Variants in KHDC4 observed in about 807,000 individuals in gnomAD.
KHDC4 encodes the protein KH domain containing 4, pre-mRNA splicing factor.
A neutral mutation model predicts 74.5 loss-of-function variants in KHDC4; 19 were observed. That is an observed-to-expected ratio of 0.26 (90% confidence interval 0.18 to 0.37). The LOEUF (loss-of-function observed/expected upper bound fraction) is 0.37. KHDC4 is among the 10% of genes least tolerant of loss of function. The pLI is 1.00. For missense variants in KHDC4, 632 were observed against 754.1 expected, an observed-to-expected ratio of 0.84 and a Z score of 1.90; for synonymous variants, 253 against 266.1, an observed-to-expected ratio of 0.95 and a Z score of 0.48.
intron 6 of KHDC4, chr1:155,926,122 A>G: frequency 1.6e-6 from 1 of 617,426 alleles, no homozygotes; most frequent in Admixed American, 1.8e-5. Flanking sequence ...TAAAACCACT[A>G]ACTTCAAAAT....
rs1674097105 is a variant in KHDC4 at position 155,929,462 on chromosome 1, CCAAGTAA to C, written c.385-94_385-88del. 3.3e-6 allele frequency: 4 copies of C among 1,203,784 alleles called. No homozygotes were observed. In the South Asian group the frequency reaches 5.1e-5, roughly 15 times the overall value. The allele number at this position is 1,203,784 out of a possible 1,614,324, so 74.6% of individuals were successfully genotyped here. On this transcript the variant is annotated intron_variant, in intron 3 of 13. Transcript: ENST00000368321. The stretch of plus-strand genomic sequence containing the variant: ...ATTTTCTTCCCATTCATTCATTCAA[CCAAGTAA>C]AGAAGGAAAGAATTCTCTCCTGTAT...
At chr1:155,914,386 T>A in intron 13 of KHDC4, 66 bp from the exon 14 acceptor site, 2 of 1,271,580 alleles carry the variant, frequency 1.6e-6, no homozygotes, top group Admixed American at 2.2e-5. Context: ...TACCATAAAT[T>A]CGTTAATTAA....
At chr1:155,926,615 C>A (rs1035118234) in intron 6 of KHDC4, 61 bp downstream of exon 6, 1 of 1,565,158 alleles carries the variant, frequency 6.4e-7, no homozygotes, top group African/African-American at 1.4e-5. Flanking sequence ...CTGTGCCTGG[C>A]CAGCACATAT....
chr1:155,927,012 C>T, intron 5 of KHDC4, 92 bp downstream of exon 5: 3 of 1,364,482 alleles, frequency 2.2e-6, no homozygotes, highest in South Asian at 1.2e-5. Flanking sequence ...AGGGTTAGAA[C>T]AGCCATCAGG....
intron 7 of KHDC4, among the ~76,000 whole-genome samples, chr1:155,924,529 T>C (rs1415358907): frequency 6.6e-6 from 1 of 151,188 alleles, no homozygotes; most frequent in Non-Finnish European, 1.5e-5. Context: ...ACCAAAGGAC[T>C]TGAATACTAA....
rs1002810304 is a variant in KHDC4, at chr1:155,934,362, C to A, written c.12G>T (p.Gly4=). 40 of 1,611,412 alleles carry A rather than the reference C, an allele frequency of 2.5e-5. No individual in the cohort carries two copies. The highest frequency in any genetic ancestry group is 3.3e-5 in the Non-Finnish European group (39 of 1,179,934). The change falls in exon 1 of 14, where the codon GGG becomes GGT. Residue 4 remains glycine, a synonymous_variant. Coordinates refer to ENST00000368321, the MANE Select transcript of KHDC4 (RefSeq NM_014949.4). MSA[G]SATHPGAGGR... ...CGCCAGCTCCAGGATGTGTCGCGCT[C>A]CCCGCGGACATGGCGACCGCTTCTA...
chr1:155,915,893 C>T lies in KHDC4; in HGVS notation c.1625G>A (p.Gly542Glu). ...KTESDERNGS[G>E]TLTGSHDYPA... ...CTCACCATGGCTCCCTGTTAAGGTC[C>T]CAGACCCATTCCTTTCATCGGACTC... The change falls in exon 13 of 14, where the codon GGG becomes GAG. Residue 542 changes from glycine (G) to glutamate (E), a missense_variant. Transcript: ENST00000368321. The T allele has an allele frequency of 6.2e-7, 1 of 1,603,700 alleles. No homozygotes were observed. Among genetic ancestry groups the T allele is most frequent in the Non-Finnish European group, 8.5e-7 (1 of 1,175,426 alleles).
Position 155,914,097 on chromosome 1 carries a change from G to A in KHDC4, c.*24C>T. On this transcript the variant is annotated 3_prime_UTR_variant, in exon 14 of 14. Transcript: ENST00000368321. ...TTATTGCTAAGAAGAGTCACTGAGG[G>A]TCAAAACTCTGTTCCACTGTTTCCT... The A allele has an allele frequency of 6.3e-7, 1 of 1,592,740 alleles. No individual in the cohort carries two copies.
At chr1:155,928,354 A>C (rs1480459191) in intron 4 of KHDC4, among the ~76,000 whole-genome samples, 1 of 152,142 alleles carries the variant, frequency 6.6e-6, no homozygotes, top group Admixed American at 6.6e-5. Flanking sequence ...AGCCTGGGCA[A>C]CAAGAGCAAA....
intron 13 of KHDC4, chr1:155,915,611 G>A (rs1054945152): frequency 7.3e-6 from 3 of 408,424 alleles, no homozygotes; most frequent in Admixed American, 4.4e-5. Flanking sequence ...AGGTTGAAGC[G>A]ATTCTCCTGC....
intron 7 of KHDC4, among the ~76,000 whole-genome samples, chr1:155,924,434 A>G (rs1233783678): frequency 1.3e-5 from 2 of 151,790 alleles, no homozygotes; most frequent in Non-Finnish European, 2.9e-5. Flanking sequence ...GGATGGTCTC[A>G]ATCTCCTGAC....
rs1347441367 is a variant in KHDC4, at chr1:155,913,812, C to T, written c.*309G>A. On this transcript the variant is annotated 3_prime_UTR_variant, in exon 14 of 14. Coordinates refer to ENST00000368321, the MANE Select transcript of KHDC4 (RefSeq NM_014949.4). ...GGGCTATTCACCTGGAAAAGGCTGA[C>T]CAGGTCAAATGTGTATGGGAACGAC... 15 of 285,780 alleles carry T rather than the reference C, an allele frequency of 5.2e-5. No homozygotes were observed. Among genetic ancestry groups the T allele is most frequent in the Non-Finnish European group, 2.6e-5 (4 of 151,254 alleles). 17.7% of individuals were successfully genotyped at this position (285,780 alleles called of 1,614,324 possible). A position where few individuals can be genotyped will look rare whatever the true frequency, so the allele number is the denominator to read the frequency against.
intron 9 of KHDC4, 107 bp downstream of exon 9, chr1:155,921,754 T>C: frequency 7.0e-7 from 1 of 1,423,678 alleles, no homozygotes; most frequent in Non-Finnish European, 9.7e-7. Flanking sequence ...TTACCCTAAA[T>C]TAAAGGGAAC....
chr1:155,923,207 G>A (rs914691107), intron 8 of KHDC4, among the ~76,000 whole-genome samples: 1 of 151,432 alleles, frequency 6.6e-6, no homozygotes, highest in Non-Finnish European at 1.5e-5. Flanking sequence ...AAAAAAGACA[G>A]TCCTAAGGTT....
In KHDC4 at chr1:155,913,328, T is replaced by A. The variant is rs1673668224; in HGVS notation, c.*793A>T. 6.6e-6 allele frequency: 1 copy of A among 152,460 alleles called. No individual in the cohort carries two copies. Among genetic ancestry groups the A allele is most frequent in the South Asian group, 2.1e-4 (1 of 4,828 alleles). The allele number at this position is 152,460 out of a possible 1,614,324, so 9.4% of individuals were successfully genotyped here. ...CAAAATCCTATAGCCAGCAGTCAGATCTCTCTGTTTTAGCTGCAACCAGTT... is the reference window on the plus strand; with the variant it reads ...CAAAATCCTATAGCCAGCAGTCAGAACTCTCTGTTTTAGCTGCAACCAGTT... On this transcript the variant is annotated 3_prime_UTR_variant, in exon 14 of 14. Coordinates refer to ENST00000368321, the MANE Select transcript of KHDC4 (RefSeq NM_014949.4).
At chr1:155,914,441 G>A in intron 13 of KHDC4, 121 bp from the exon 14 acceptor site, 1 of 770,680 alleles carries the variant, frequency 1.3e-6, no homozygotes. Context: ...ACCATTTTGA[G>A]GTCACAGGGT....
intron 6 of KHDC4, among the ~76,000 whole-genome samples, chr1:155,926,270 G>A (rs1039841280): frequency 2.6e-5 from 4 of 151,702 alleles, no homozygotes; most frequent in Admixed American, 6.6e-5. Flanking sequence ...GGTAACTTTC[G>A]GGATTGGAAT....
intron 10 of KHDC4, 41 bp from the exon 11 acceptor site, chr1:155,917,713 A>C (rs1673762112): frequency 1.4e-6 from 2 of 1,393,884 alleles, no homozygotes; most frequent in Admixed American, 2.9e-5. Context: ...AAGTGTGAGA[A>C]TGCCCAAGGA....
At position 155,917,624 on chromosome 1, in the gene KHDC4, A is replaced by T. The variant is rs758604632; in HGVS notation, c.1315T>A (p.Leu439Met). 1.6e-5 allele frequency: 25 copies of T among 1,602,494 alleles called. No homozygotes were observed. The South Asian group carries it at 2.2e-4, about 14-fold the overall frequency. ...FIPAAPVKTA[L>M]PAGPQPQPQP... is the part of the protein sequence containing the mutation. ...GGCTGGGGCTGGGGGCCAGCAGGCA[A>T]GGCAGTTTTGACAGGAGCAGCAGGA... The change falls in exon 11 of 14, where the codon TTG (leucine) becomes ATG (methionine). Residue 439 changes from leucine to methionine, a missense_variant. Leu to Met is a conservative substitution (Grantham distance 15). Around this residue, in one of 4 missense-constraint regions of KHDC4, gnomAD observed 254 missense variants for 267.4 expected, o/e 0.95. Transcript: ENST00000368321.
Sources: allele counts gnomAD v4.1 joint callset (sites outside exome capture counted in the v4.1 genomes callset), GRCh38; gene constraint gnomAD v4.1.1; regional missense constraint gnomAD v4.1.1; transcripts MANE v1.5; gene names NCBI Gene and HGNC (gene_info 2026-07-23, HGNC 2026-07-21).